LPL: variants seen among roughly 807,000 people sequenced by gnomAD.
LPL encodes phospholipase A1.
A neutral mutation model predicts 52.2 loss-of-function variants in LPL; 43 were observed. The observed-to-expected ratio is 0.82, with a 90% confidence interval of 0.64 to 1.06. The LOEUF (loss-of-function observed/expected upper bound fraction) is 1.06, where lower values mean the gene tolerates loss of function less well. Ranked by LOEUF, LPL falls within the 50% of genes least tolerant of loss-of-function variation. The pLI is 0.00. For synonymous variants in LPL, 244 were observed against 215.6 expected, an observed-to-expected ratio of 1.13 and a Z score of -1.15; for missense variants, 639 against 585.3, an observed-to-expected ratio of 1.09 and a Z score of -0.95.
intron 9 of LPL, among the ~76,000 whole-genome samples, chr8:19,964,005 T>G (rs1411978426): frequency 6.6e-6 from 1 of 151,800 alleles, no homozygotes; most frequent in African/African-American, 2.4e-5. Flanking sequence ...CAGGCTGGAG[T>G]GTAGTGGCTC....
chr8:19,959,462 G>A, intron 7 of LPL, 82 bp downstream of exon 7: 1 of 1,525,172 alleles, frequency 6.6e-7, no homozygotes, highest in Non-Finnish European at 8.9e-7. Flanking sequence ...GAAGCAGAGA[G>A]CGATGCCTAG....
At position 19,939,652 on chromosome 8, in the gene LPL, C is replaced by A; in HGVS notation, c.88+124C>A. On this transcript the variant is annotated intron_variant, in intron 1 of 9. Transcript: ENST00000650287. The surrounding 1 kb of genome is among the most constrained non-coding windows in gnomAD (Gnocchi z 4.0). Reference sequence around the variant, plus strand: ...GGATGCGCCCAGGGACTCTCCCAGCCTGGGCTCTAGCCCCGAAACGGTCCC... The same window carrying A: ...GGATGCGCCCAGGGACTCTCCCAGCATGGGCTCTAGCCCCGAAACGGTCCC... The A allele has an allele frequency of 9.9e-7, 1 of 1,006,808 alleles. No homozygotes were observed. Among genetic ancestry groups the A allele is most frequent in the Non-Finnish European group, 1.5e-6 (1 of 680,438 alleles). The allele number at this position is 1,006,808 out of a possible 1,614,324, so 62.4% of individuals were successfully genotyped here. A position where few individuals can be genotyped will look rare whatever the true frequency, so the allele number is the denominator to read the frequency against.
chr8:19,953,522 T>C (rs1465035287), intron 4 of LPL, 101 bp downstream of exon 4: 4 of 808,988 alleles, frequency 4.9e-6, no homozygotes, highest in Non-Finnish European at 8.5e-6. Context: ...ATGTGTGGTG[T>C]TCTTCCCGGA....
intron 2 of LPL, 26 bp downstream of exon 2, chr8:19,948,366 T>C (rs768071367): frequency 6.2e-7 from 1 of 1,612,548 alleles, no homozygotes; most frequent in Admixed American, 1.7e-5. Context: ...TGGGGAAGAG[T>C]GGATTGGGGT....
At chr8:19,956,637 T>C (rs939734478) in intron 6 of LPL, among the ~76,000 whole-genome samples, 8 of 152,236 alleles carry the variant, frequency 5.3e-5, no homozygotes, top group African/African-American at 1.4e-4. Flanking sequence ...CAGTGTCTGT[T>C]GTTCCCCTCT....
intron 1 of LPL, 84 bp from the exon 2 acceptor site, chr8:19,948,096 G>T (rs1169834326): frequency 7.1e-7 from 1 of 1,409,556 alleles, no homozygotes; most frequent in East Asian, 2.3e-5. Flanking sequence ...AGCGGTGGTT[G>T]CCTGTGAACC....
At chr8:19,963,984 C>T (rs1424645652) in intron 9 of LPL, among the ~76,000 whole-genome samples, 2 of 151,404 alleles carry the variant, frequency 1.3e-5, no homozygotes, top group African/African-American at 4.9e-5. Context: ...TGGAGTTTTG[C>T]TCTTGCTGCC....
chr8:19,958,901 A>C (rs2070012221), intron 6 of LPL, among the ~76,000 whole-genome samples: 1 of 152,244 alleles, frequency 6.6e-6, no homozygotes, highest in African/African-American at 2.4e-5. Flanking sequence ...AAGATGGCCA[A>C]GGATGGCGGA....
At chr8:19,945,181 A>T (rs1357894873) in intron 1 of LPL, among the ~76,000 whole-genome samples, 1 of 152,206 alleles carries the variant, frequency 6.6e-6, no homozygotes, top group African/African-American at 2.4e-5. Context: ...CTGCTGCCCA[A>T]TAGCAATCAC....
At position 19,944,222 on chromosome 8, in the gene LPL, G is replaced by C. The variant is rs2069864715; in HGVS notation, c.89-3958G>C. ...ATAAAATAAAATGAAATAAAGTAAA[G>C]CTGCATGTTAGAGAAGTCAAGAGCA... is the stretch of plus-strand genomic sequence containing the variant. On this transcript the variant is annotated intron_variant, in intron 1 of 9. Transcript: ENST00000650287. The surrounding 1 kb of genome is among the most constrained non-coding windows in gnomAD (Gnocchi z 4.2). 1.3e-5 allele frequency among the ~76,000 whole-genome samples: 2 copies of C among 152,098 alleles called. No individual in the cohort carries two copies. Among genetic ancestry groups the C allele is most frequent in the Admixed American group, 1.3e-4 (2 of 15,268 alleles).
At chr8:19,962,665 A>G (rs964973371) in intron 9 of LPL, among the ~76,000 whole-genome samples, 4 of 152,174 alleles carry the variant, frequency 2.6e-5, no homozygotes, top group Non-Finnish European at 5.9e-5. Flanking sequence ...ACCTGCAGCC[A>G]CATAGTTCTT....
intron 1 of LPL, among the ~76,000 whole-genome samples, chr8:19,942,132 C>T (rs982096324): frequency 2.6e-5 from 4 of 152,094 alleles, no homozygotes; most frequent in African/African-American, 7.2e-5. Flanking sequence ...GGAAGAGCGG[C>T]GATGGAAAAT....
intron 6 of LPL, among the ~76,000 whole-genome samples, chr8:19,956,670 T>G (rs565094586): frequency 2.0e-5 from 3 of 152,104 alleles, no homozygotes; most frequent in African/African-American, 4.8e-5. Context: ...AAAGTTTTAT[T>G]AGGACACAGC....
Position 19,939,476 on chromosome 8 carries a change from C to G in LPL, c.36C>G (p.Ala12=). The G allele has an allele frequency of 6.2e-7, 1 of 1,610,984 alleles. No homozygotes were observed. The highest frequency in any genetic ancestry group is 1.1e-5 in the South Asian group (1 of 90,734). ...ESKALLVLTL[A]VWLQSLTASR... ...AAGCCCTGCTCGTGCTGACTCTGGC[C>G]GTGTGGCTCCAGAGTCTGACCGCCT... The change falls in exon 1 of 10, where the codon GCC becomes GCG. Residue 12 remains alanine (A), a synonymous_variant. Coordinates refer to ENST00000650287, the MANE Select transcript of LPL (RefSeq NM_000237.3). The surrounding 1 kb of genome is among the most constrained non-coding windows in gnomAD (Gnocchi z 4.0).
At chr8:19,949,338 GACT>G (rs2069911958) in intron 2 of LPL, among the ~76,000 whole-genome samples, 1 of 152,052 alleles carries the variant, frequency 6.6e-6, no homozygotes, top group Admixed American at 6.5e-5. Flanking sequence ...ATAGAGATGA[GACT>G]ACTACTAACA....
At chr8:19,963,574 A>G (rs1245480369) in intron 9 of LPL, among the ~76,000 whole-genome samples, 1 of 152,178 alleles carries the variant, frequency 6.6e-6, no homozygotes, top group African/African-American at 2.4e-5. Context: ...AAGCAAAAAT[A>G]AAATAAAATC....
At chr8:19,941,989 G>A (rs2069845153) in intron 1 of LPL, among the ~76,000 whole-genome samples, 1 of 152,172 alleles carries the variant, frequency 6.6e-6, no homozygotes, top group Admixed American at 6.5e-5. Flanking sequence ...CCTGGCCATC[G>A]TGAATTTCCA....
intron 2 of LPL, among the ~76,000 whole-genome samples, chr8:19,949,299 G>A (rs952744954): frequency 6.6e-6 from 1 of 152,022 alleles, no homozygotes; most frequent in African/African-American, 2.4e-5. Context: ...CTTTGTTATT[G>A]ACTGAAGAGG....
chr8:19,948,009 C>T (rs2069898112), intron 1 of LPL, among the ~76,000 whole-genome samples, 171 bp from the exon 2 acceptor site: 1 of 152,166 alleles, frequency 6.6e-6, no homozygotes, highest in South Asian at 2.1e-4. Context: ...GTCAACTTTG[C>T]TCAACGTTGG....
Sources: gnomAD v4.1 joint callset for allele counts (sites outside exome capture counted in the v4.1 genomes callset) on GRCh38, gnomAD v4.1.1 for gene constraint, Gnocchi (gnomAD v3.1) non-coding constraint, MANE v1.5 for transcripts, NCBI Gene and HGNC (gene_info 2026-07-23, HGNC 2026-07-21) for gene names.